Variants in SPIRE1 observed in about 807,000 individuals in gnomAD.
SPIRE1 encodes the protein protein spire homolog 1.
SPIRE1 carries 40 observed loss-of-function variants against 94.1 expected under a neutral mutation model. The observed-to-expected ratio is 0.43, with a 90% confidence interval of 0.33 to 0.55. SPIRE1 has a LOEUF of 0.55. SPIRE1 is among the 20% of genes least tolerant of loss of function. SPIRE1 has a pLI of 0.06. For missense variants in SPIRE1, 838 were observed against 975.2 expected (o/e 0.86, Z 1.87); for synonymous variants, 376 against 371.7 (o/e 1.01, Z -0.13).
At chr18:12,494,371 C>T (rs951884756) in intron 7 of SPIRE1, among the ~76,000 whole-genome samples, 3 of 152,062 alleles carry the variant, frequency 2.0e-5, no homozygotes, top group African/African-American at 7.3e-5. Context: ...AATTGTGGAG[C>T]CAGTGTTCAA....
At chr18:12,509,081 C>T (rs1389368822) in intron 5 of SPIRE1, among the ~76,000 whole-genome samples, 1 of 152,210 alleles carries the variant, frequency 6.6e-6, no homozygotes, top group East Asian at 1.9e-4. Context: ...AAATAACAGA[C>T]AACTGTCATC....
intron 1 of SPIRE1, 127 bp downstream of exon 1, chr18:12,657,402 TC>T: frequency 1.3e-6 from 1 of 766,680 alleles, no homozygotes; most frequent in Non-Finnish European, 1.8e-6. Flanking sequence ...CGCCGGATCC[TC>T]CCGGGGGTCT....
chr18:12,453,978 T>C (rs1020384713), intron 13 of SPIRE1, among the ~76,000 whole-genome samples: 1 of 151,882 alleles, frequency 6.6e-6, no homozygotes, highest in Non-Finnish European at 1.5e-5. Context: ...AGAGACAGGG[T>C]TTCACCATGT....
intron 3 of SPIRE1, among the ~76,000 whole-genome samples, chr18:12,535,972 C>CA (rs1344953321): frequency 5.3e-5 from 8 of 151,620 alleles, no homozygotes; most frequent in African/African-American, 7.3e-5. Context: ...CAATAAAAAC[C>CA]AAAAAAACAG....
intron 1 of SPIRE1, among the ~76,000 whole-genome samples, chr18:12,641,363 TTTC>T (rs1233846566): frequency 1.7e-5 from 2 of 120,130 alleles, no homozygotes; most frequent in African/African-American, 5.7e-5. Context: ...CATACCCGAA[TTTC>T]TTTTTTTCTT....
intron 6 of SPIRE1, among the ~76,000 whole-genome samples, chr18:12,503,213 G>A (rs1007825342): frequency 6.6e-6 from 1 of 151,692 alleles, no homozygotes; most frequent in Non-Finnish European, 1.5e-5. Flanking sequence ...CATACTGTTT[G>A]CTCACTGTCA....
intron 1 of SPIRE1, among the ~76,000 whole-genome samples, chr18:12,654,900 C>A (rs959523599): frequency 1.3e-5 from 2 of 151,784 alleles, no homozygotes; most frequent in African/African-American, 4.8e-5. Flanking sequence ...TGGTGGCATG[C>A]GCCTATAGTC....
chr18:12,647,044 CAAA>C (rs34928573), intron 1 of SPIRE1, among the ~76,000 whole-genome samples: 11 of 78,356 alleles, frequency 1.4e-4, no homozygotes, highest in East Asian at 4.4e-4. Context: ...AACTCTGACT[CAAA>C]AAAAAAAAAA....
At chr18:12,557,112 G>A (rs1177329681) in intron 2 of SPIRE1, among the ~76,000 whole-genome samples, 1 of 152,250 alleles carries the variant, frequency 6.6e-6, no homozygotes, top group Admixed American at 6.5e-5. Flanking sequence ...GGGGCTGCGG[G>A]TGGAGCTGCC....
At chr18:12,503,402 T>C (rs2033727886) in intron 6 of SPIRE1, among the ~76,000 whole-genome samples, 1 of 152,258 alleles carries the variant, frequency 6.6e-6, no homozygotes, top group African/African-American at 2.4e-5. Context: ...CAGCCTTCTC[T>C]CTGGCTATGC....
chr18:12,638,358 C>T (rs1164786584), intron 1 of SPIRE1, among the ~76,000 whole-genome samples: 1 of 152,176 alleles, frequency 6.6e-6, no homozygotes, highest in Non-Finnish European at 1.5e-5. Flanking sequence ...GAAGGAGGAT[C>T]ACTTGAGCCC....
intron 16 of SPIRE1, chr18:12,451,045 G>A (rs2031213152): frequency 2.0e-6 from 1 of 489,204 alleles, no homozygotes; most frequent in Non-Finnish European, 3.7e-6. Flanking sequence ...AGGAGGAGGA[G>A]GAGGATGAAT....
At chr18:12,546,990 T>A in intron 2 of SPIRE1, 86 bp from the exon 3 acceptor site, 1 of 891,252 alleles carries the variant, frequency 1.1e-6, no homozygotes, top group Non-Finnish European at 1.7e-6. Flanking sequence ...TTAGTATGAT[T>A]TTTTCCCTCA....
chr18:12,500,605 T>C (rs111355650), intron 6 of SPIRE1, among the ~76,000 whole-genome samples: 17 of 152,100 alleles, frequency 1.1e-4, no homozygotes, highest in African/African-American at 4.1e-4. Context: ...GCCACTCCAC[T>C]CCCAGGTATA....
rs977678241 is a variant in SPIRE1 at position 12,544,506 on chromosome 18, T to G, written c.603+2168A>C. On this transcript the variant is annotated intron_variant, in intron 3 of 16. Coordinates refer to ENST00000409402, the MANE Select transcript of SPIRE1 (RefSeq NM_001128626.2). The stretch of plus-strand genomic sequence containing the variant: ...GGCATCAGCTATCGCGCCCAGTCGT[T>G]TTTTTTTTTTTCCTTTTAAATAGAG... Among the ~76,000 whole-genome samples the G allele has an allele frequency of 6.8e-5, 10 of 145,988 alleles. 1 individual carries two copies. The highest frequency in any genetic ancestry group is 4.1e-4 in the Admixed American group (6 of 14,592).
intron 6 of SPIRE1, among the ~76,000 whole-genome samples, chr18:12,502,839 G>A (rs1481447759): frequency 2.0e-5 from 3 of 152,140 alleles, no homozygotes; most frequent in South Asian, 4.1e-4. Context: ...GGGGTGCGGT[G>A]GCTCATGCTT....
Position 12,626,886 on chromosome 18 carries a change from A to AT in SPIRE1, c.372+8175dup, listed in dbSNP as rs1194431610. 9.4e-3 allele frequency among the ~76,000 whole-genome samples: 1,053 copies of AT among 111,890 alleles called. 10 individuals are homozygous for AT. Among genetic ancestry groups the AT allele is most frequent in the Middle Eastern group, 0.016 (2 of 122 alleles). 73.4% of individuals were successfully genotyped at this position (111,890 alleles called of 152,430 possible). On this transcript the variant is annotated intron_variant, in intron 2 of 16. Transcript: ENST00000409402. ...CTGTAAAATATATATATATATATAT[A>AT]TTTTTTTTTTTTTTTTGCCCAGAGG...
intron 4 of SPIRE1, among the ~76,000 whole-genome samples, chr18:12,514,742 T>C (rs980063019): frequency 5.3e-5 from 8 of 152,180 alleles, no homozygotes; most frequent in Admixed American, 1.3e-4. Flanking sequence ...CAGAAACACA[T>C]GCTCTGCGTT....
Position 12,512,465 on chromosome 18 carries a change from T to G in SPIRE1, c.796A>C (p.Asn266His). 1 of 1,611,542 alleles carries G rather than the reference T, an allele frequency of 6.2e-7. No individual in the cohort carries two copies. Among genetic ancestry groups the G allele is most frequent in the South Asian group, 1.1e-5 (1 of 90,924 alleles). ...ESSTDLEELK[N>H]ADWARFWVQV... ...TTTCCAGCTCTTACCCAGTCAGCGT[T>G]TTTCAGCTCTTCCAAGTCTGTGCTA... The change falls in exon 5 of 17, where the codon AAC (asparagine) becomes CAC (histidine). Residue 266 changes from asparagine to histidine, a missense_variant. Coordinates refer to ENST00000409402, the MANE Select transcript of SPIRE1 (RefSeq NM_001128626.2).
Sources: gnomAD v4.1 joint callset for allele counts (sites outside exome capture counted in the v4.1 genomes callset) on GRCh38, gnomAD v4.1.1 for gene constraint, MANE v1.5 for transcripts, NCBI Gene and HGNC (gene_info 2026-07-23, HGNC 2026-07-21) for gene names.